The following GABRB3 variants were observed in gnomAD, a reference collection of about 807,000 sequenced individuals.
The protein encoded by GABRB3 is gamma-aminobutyric acid type A receptor subunit beta3.
GABRB3 carries 14 observed loss-of-function variants against 52.1 expected under a neutral mutation model. That is an observed-to-expected ratio of 0.27 (90% CI 0.18 to 0.42). The LOEUF is 0.42. Among genes scored for constraint, GABRB3 ranks in the 10% least tolerant of loss-of-function variants. The pLI, the probability that GABRB3 is intolerant of heterozygous loss-of-function variation, is 1.00. For synonymous variants in GABRB3, 260 were observed against 232.3 expected (o/e 1.12, Z -1.08); for missense variants, 307 against 609.1 (o/e 0.50, Z 5.22).
chr15:26,579,381 T>C (rs1890707698), intron 6 of GABRB3, among the ~76,000 whole-genome samples: 1 of 152,140 alleles, frequency 6.6e-6, no homozygotes, highest in African/African-American at 2.4e-5. Context: ...TTGAAAAGGC[T>C]TCCCAGAGGA....
chr15:26,719,298 TCCG>T (rs1889583687), intron 3 of GABRB3, among the ~76,000 whole-genome samples: 3 of 152,210 alleles, frequency 2.0e-5, no homozygotes, highest in African/African-American at 7.2e-5. Context: ...GTTCCAGGAC[TCCG>T]CACACGCACT....
chr15:26,572,923 T>G (rs1163150242), intron 6 of GABRB3, among the ~76,000 whole-genome samples: 1 of 152,198 alleles, frequency 6.6e-6, no homozygotes, highest in Non-Finnish European at 1.5e-5. Context: ...TCTCCCCAGA[T>G]GCAGTCACCA....
At chr15:26,691,448 C>G (rs1888585715) in intron 3 of GABRB3, among the ~76,000 whole-genome samples, 1 of 152,186 alleles carries the variant, frequency 6.6e-6, no homozygotes, top group African/African-American at 2.4e-5. Context: ...CTATTAGCAT[C>G]CCTTCCATTC....
chr15:26,717,742 T>G (rs1889534185), intron 3 of GABRB3, among the ~76,000 whole-genome samples: 1 of 152,162 alleles, frequency 6.6e-6, no homozygotes, highest in Non-Finnish European at 1.5e-5. Flanking sequence ...TTTTCTTCCC[T>G]CCCATTGAAA....
At chr15:26,725,921 G>T (rs1247158358) in intron 3 of GABRB3, among the ~76,000 whole-genome samples, 5 of 152,298 alleles carry the variant, frequency 3.3e-5, no homozygotes, top group Admixed American at 1.3e-4. Context: ...TGGTTGTTCA[G>T]CATCACCACC....
chr15:26,549,741 G>T (rs563681251), intron 8 of GABRB3, among the ~76,000 whole-genome samples: 1 of 152,152 alleles, frequency 6.6e-6, no homozygotes, highest in East Asian at 1.9e-4. Context: ...ATCAGATTGA[G>T]CCCATGGCAG....
At chr15:26,573,161 G>A (rs1890469484) in intron 6 of GABRB3, among the ~76,000 whole-genome samples, 1 of 152,160 alleles carries the variant, frequency 6.6e-6, no homozygotes, top group Admixed American at 6.5e-5. Context: ...AAGCTGCCAT[G>A]GTGAGGCACT....
chr15:26,563,835 T>C (rs934697281), intron 7 of GABRB3, among the ~76,000 whole-genome samples: 5 of 151,764 alleles, frequency 3.3e-5, no homozygotes, highest in African/African-American at 1.2e-4. Flanking sequence ...TTCTGTAAAT[T>C]GCTAGCCTCA....
intron 3 of GABRB3, among the ~76,000 whole-genome samples, chr15:26,708,881 G>A (rs967047725): frequency 3.3e-5 from 5 of 152,092 alleles, no homozygotes; most frequent in African/African-American, 7.2e-5. Context: ...ACCTTTATGC[G>A]GGCTGTTTGG....
At chr15:26,555,415 A>C (rs1388814292) in intron 8 of GABRB3, among the ~76,000 whole-genome samples, 1 of 152,188 alleles carries the variant, frequency 6.6e-6, no homozygotes, top group Non-Finnish European at 1.5e-5. Flanking sequence ...TTCAAGATTT[A>C]GATACAAATC....
intron 3 of GABRB3, among the ~76,000 whole-genome samples, chr15:26,757,361 GGC>G (rs1243582723): frequency 6.6e-6 from 1 of 152,042 alleles, no homozygotes; most frequent in Non-Finnish European, 1.5e-5. Context: ...TTCCTTGCCT[GGC>G]GCGCTCCATT....
intron 8 of GABRB3, among the ~76,000 whole-genome samples, chr15:26,556,242 T>G (rs1889745976): frequency 6.6e-6 from 1 of 152,208 alleles, no homozygotes. Flanking sequence ...TAAAAACATC[T>G]CATTCAGAAT....
At chr15:26,610,558 C>A (rs1034272730) in intron 4 of GABRB3, among the ~76,000 whole-genome samples, 2 of 152,062 alleles carry the variant, frequency 1.3e-5, no homozygotes, top group Non-Finnish European at 2.9e-5. Context: ...CCCCAGTATT[C>A]TTTAGAATCT....
chr15:26,665,881 T>C (rs2140620985), intron 3 of GABRB3, among the ~76,000 whole-genome samples: 1 of 152,322 alleles, frequency 6.6e-6, no homozygotes, highest in Admixed American at 6.5e-5. Flanking sequence ...ACCTGGCTAT[T>C]TATAATGGAT....
At chr15:26,727,758 A>G (rs144309200) in intron 3 of GABRB3, among the ~76,000 whole-genome samples, 30 of 152,290 alleles carry the variant, frequency 2.0e-4, no homozygotes, top group Admixed American at 7.2e-4. Flanking sequence ...CTGCATATAT[A>G]TCATGACCTC....
intron 6 of GABRB3, among the ~76,000 whole-genome samples, chr15:26,571,683 C>T (rs996344369): frequency 6.6e-6 from 1 of 152,146 alleles, no homozygotes; most frequent in Non-Finnish European, 1.5e-5. Flanking sequence ...ATTTCAAAAA[C>T]ACATTACTCT....
intron 4 of GABRB3, chr15:26,616,044 G>A (rs774776330): frequency 1.2e-5 from 15 of 1,289,058 alleles, no homozygotes; most frequent in Non-Finnish European, 1.4e-5. Context: ...ACCTCCTCCA[G>A]GCCAGGGCCA....
At chr15:26,712,085 G>C (rs1304626530) in intron 3 of GABRB3, among the ~76,000 whole-genome samples, 1 of 152,186 alleles carries the variant, frequency 6.6e-6, no homozygotes, top group African/African-American at 2.4e-5. Flanking sequence ...TTGGAGCACA[G>C]GGCCTAAGTG....
intron 3 of GABRB3, among the ~76,000 whole-genome samples, chr15:26,689,011 C>A: frequency 6.6e-6 from 1 of 152,240 alleles, no homozygotes; most frequent in East Asian, 1.9e-4. Context: ...ACAGAGATTT[C>A]AACTCATATT....
Sources: gnomAD v4.1 joint callset for allele counts (sites outside exome capture counted in the v4.1 genomes callset) on GRCh38, gnomAD v4.1.1 for gene constraint, MANE v1.5 for transcripts, NCBI Gene and HGNC (gene_info 2026-07-23, HGNC 2026-07-21) for gene names.